The following CNTNAP5 variants were observed in gnomAD, a reference collection of about 807,000 sequenced individuals.
CNTNAP5 encodes the protein contactin associated protein family member 5.
Under a neutral mutation model 150.2 loss-of-function variants are expected in CNTNAP5, and 72 were observed. The observed-to-expected ratio is 0.48, with a 90% CI of 0.40 to 0.58. CNTNAP5 has a LOEUF of 0.58. Among genes scored for constraint, CNTNAP5 ranks in the 20% least tolerant of loss-of-function variants. The pLI, the probability that CNTNAP5 is intolerant of heterozygous loss-of-function variation, is 0.00. For missense variants in CNTNAP5, 1,636 were observed against 1,626.2 expected (o/e 1.01, Z -0.10); for synonymous variants, 672 against 619.8 (o/e 1.08, Z -1.25).
At chr2:124,681,216 C>T (rs751641388) in intron 13 of CNTNAP5, among the ~76,000 whole-genome samples, 1 of 150,622 alleles carries the variant, frequency 6.6e-6, no homozygotes, top group Non-Finnish European at 1.5e-5. Flanking sequence ...GCAGGAGAAT[C>T]GCTTGCACCT....
At chr2:124,711,062 G>A (rs1306273872) in intron 13 of CNTNAP5, among the ~76,000 whole-genome samples, 1 of 152,084 alleles carries the variant, frequency 6.6e-6, no homozygotes. Context: ...TACGAGGTCA[G>A]GAGTTGAAGA....
intron 16 of CNTNAP5, among the ~76,000 whole-genome samples, 184 bp from the exon 17 acceptor site, chr2:124,772,615 G>T (rs1681228333): frequency 6.6e-6 from 1 of 152,108 alleles, no homozygotes; most frequent in Admixed American, 6.6e-5. Flanking sequence ...AAAACAACTT[G>T]GAACAAGTAT....
At position 124,915,646 on chromosome 2, in the gene CNTNAP5, T is replaced by C. The variant is rs141805754; in HGVS notation, c.*1358T>C. On this transcript the variant is annotated 3_prime_UTR_variant, in exon 24 of 24. Coordinates refer to ENST00000682447, the MANE Select transcript of CNTNAP5 (RefSeq NM_001367498.1). ...ATAAAGACCCTTCCAAACATCTTTT[T>C]ATAGGCTTAAACTCCCAAAAGAGGT... is the stretch of plus-strand genomic sequence containing the variant. Among the ~76,000 whole-genome samples, 189 of 152,192 alleles carry C rather than the reference T, an allele frequency of 1.2e-3. No homozygotes were observed. Among genetic ancestry groups the C allele is most frequent in the African/African-American group, 4.5e-3 (187 of 41,562 alleles).
intron 3 of CNTNAP5, among the ~76,000 whole-genome samples, chr2:124,271,674 T>TATCTATCTATCTATCTATC (rs1055102867): frequency 1.7e-5 from 2 of 118,818 alleles, no homozygotes; most frequent in Non-Finnish European, 3.7e-5. Context: ...TCTATCTATC[T>TATCTATCTATCTATCTATC]ATCTATCTAT....
In CNTNAP5 at chr2:124,528,044, C is replaced by T. The variant is rs1276239071; in HGVS notation, c.1649+588C>T. Among the ~76,000 whole-genome samples the T allele has an allele frequency of 2.0e-5, 3 of 152,172 alleles. No homozygotes were observed. In the East Asian group the frequency reaches 5.8e-4, roughly 29 times the overall value. On this transcript the variant is annotated intron_variant, in intron 10 of 23. Coordinates refer to ENST00000682447, the MANE Select transcript of CNTNAP5 (RefSeq NM_001367498.1). The stretch of plus-strand genomic sequence containing the variant: ...TTAGAAGTTTCTAAATGCAAAGACA[C>T]ACTGCAGAAAACCAAAGAGGATGGA...
chr2:124,381,442 A>C (rs1690793241), intron 3 of CNTNAP5, among the ~76,000 whole-genome samples: 1 of 152,096 alleles, frequency 6.6e-6, no homozygotes, highest in Non-Finnish European at 1.5e-5. Flanking sequence ...TGCAACAGTA[A>C]AGAAATTAAA....
At position 124,914,207 on chromosome 2, in the gene CNTNAP5, A is replaced by T. The variant is rs374738067; in HGVS notation, c.3843A>T (p.Pro1281=). The change falls in exon 24 of 24, where the codon CCA becomes CCT. Residue 1281 remains proline (P), a synonymous_variant. Coordinates refer to ENST00000682447, the MANE Select transcript of CNTNAP5 (RefSeq NM_001367498.1). ...GCCAGATGAAGGAGAAGGAATATCC[A>T]GAAAATTTGGACAGTTCCTTCAGAA... The part of the protein sequence containing the change: ...RTSQMKEKEY[P]ENLDSSFRNE... 8 of 1,612,642 alleles carry T rather than the reference A, an allele frequency of 5.0e-6. No individual in the cohort carries two copies. In the South Asian group the frequency reaches 7.7e-5, roughly 15 times the overall value.
intron 7 of CNTNAP5, among the ~76,000 whole-genome samples, chr2:124,479,535 C>G (rs1034803743): frequency 1.3e-5 from 2 of 152,174 alleles, no homozygotes; most frequent in African/African-American, 4.8e-5. Flanking sequence ...TAGGAAGACT[C>G]TACTTACAGA....
intron 1 of CNTNAP5, among the ~76,000 whole-genome samples, chr2:124,217,440 G>C (rs920052894): frequency 6.6e-6 from 1 of 152,132 alleles, no homozygotes; most frequent in South Asian, 2.1e-4. Flanking sequence ...AAGGCTGCAG[G>C]AGCACTGAGG....
intron 13 of CNTNAP5, among the ~76,000 whole-genome samples, chr2:124,728,401 C>G (rs545847953): frequency 6.6e-6 from 1 of 152,052 alleles, no homozygotes; most frequent in Admixed American, 6.6e-5. Flanking sequence ...ACCAGTGAAG[C>G]CACATGATGC....
chr2:124,235,657 C>T (rs1432864683), intron 2 of CNTNAP5, among the ~76,000 whole-genome samples: 1 of 152,160 alleles, frequency 6.6e-6, no homozygotes, highest in East Asian at 1.9e-4. Flanking sequence ...CCCAAATGAA[C>T]TACTTGCATT....
chr2:124,510,279 C>A (rs375331069), intron 8 of CNTNAP5, among the ~76,000 whole-genome samples: 29 of 70,982 alleles, frequency 4.1e-4, no homozygotes, highest in African/African-American at 6.8e-4. Context: ...ATATCTATAT[C>A]TATATCTATA....
At chr2:124,879,641 T>C (rs1380796181) in intron 21 of CNTNAP5, among the ~76,000 whole-genome samples, 1 of 152,152 alleles carries the variant, frequency 6.6e-6, no homozygotes, top group Non-Finnish European at 1.5e-5. Context: ...ATACTTGCTT[T>C]ATTTATTTGT....
chr2:124,329,248 A>G (rs541351152), intron 3 of CNTNAP5, among the ~76,000 whole-genome samples: 3 of 151,694 alleles, frequency 2.0e-5, no homozygotes, highest in Admixed American at 6.6e-5. Flanking sequence ...TAATTTATGG[A>G]AAAAAAAATG....
chr2:124,876,487 A>G (rs1677863520), intron 21 of CNTNAP5, among the ~76,000 whole-genome samples: 1 of 151,806 alleles, frequency 6.6e-6, no homozygotes, highest in South Asian at 2.1e-4. Flanking sequence ...GTGCAGTTAT[A>G]GCCATGGGCT....
At chr2:124,790,860 C>T (rs946473535) in intron 18 of CNTNAP5, among the ~76,000 whole-genome samples, 3 of 152,000 alleles carry the variant, frequency 2.0e-5, no homozygotes, top group Admixed American at 6.6e-5. Flanking sequence ...ATTCAAGATA[C>T]CTCAAGAAAC....
chr2:124,784,320 T>G (rs1242342862), intron 17 of CNTNAP5, among the ~76,000 whole-genome samples: 2 of 152,070 alleles, frequency 1.3e-5, no homozygotes, highest in African/African-American at 2.4e-5. Flanking sequence ...ATGAGAGAAA[T>G]AGAGGCTCCG....
chr2:124,291,597 G>GTCAGA (rs1212021913), intron 3 of CNTNAP5, among the ~76,000 whole-genome samples: 1 of 151,278 alleles, frequency 6.6e-6, no homozygotes, highest in African/African-American at 2.4e-5. Flanking sequence ...GCCAGTGATT[G>GTCAGA]TCAGACCTAC....
At chr2:124,301,193 T>C (rs568877635) in intron 3 of CNTNAP5, among the ~76,000 whole-genome samples, 3 of 152,208 alleles carry the variant, frequency 2.0e-5, no homozygotes, top group Non-Finnish European at 2.9e-5. Context: ...CATTTGCAAT[T>C]GATAGTCTCT....
Sources: gnomAD v4.1 joint callset for allele counts (sites outside exome capture counted in the v4.1 genomes callset) on GRCh38, gnomAD v4.1.1 for gene constraint, MANE v1.5 for transcripts, NCBI Gene and HGNC (gene_info 2026-07-23, HGNC 2026-07-21) for gene names.